The following GALNT9 variants were observed in gnomAD, a reference collection of about 807,000 sequenced individuals.
GALNT9 encodes the protein GalNAc transferase 9.
In GALNT9, 47 loss-of-function variants were observed where a neutral mutation model predicts 63.1. That is an observed-to-expected ratio of 0.75 (90% confidence interval 0.59 to 0.95). The LOEUF (loss-of-function observed/expected upper bound fraction) is 0.95, where lower values mean the gene tolerates loss of function less well. Among genes scored for constraint, GALNT9 ranks in the 40% least tolerant of loss-of-function variants. The probability of loss-of-function intolerance (pLI) is 0.00; values close to 1 mark genes in which losing one functional copy is unlikely to be tolerated. For synonymous variants in GALNT9, 396 were observed against 365.7 expected, an observed-to-expected ratio of 1.08 and a Z score of -0.94; for missense variants, 829 against 874.8, an observed-to-expected ratio of 0.95 and a Z score of 0.66.
intron 8 of GALNT9, 152 bp from the exon 9 acceptor site, chr12:132,199,421 G>A (rs1804305612): frequency 1.7e-6 from 1 of 605,880 alleles, no homozygotes; most frequent in East Asian, 2.8e-5. Flanking sequence ...TGGGCTGCCT[G>A]GGAAGGGGTG....
chr12:132,203,405 T>TGCAGGGGGCC (rs1876344596), intron 7 of GALNT9, 100 bp downstream of exon 7: 1 of 1,091,598 alleles, frequency 9.2e-7, no homozygotes, highest in East Asian at 2.5e-5. Context: ...CACTCACACC[T>TGCAGGGGGCC]GCAGGGGGCC....
At position 132,329,456 on chromosome 12, in the gene GALNT9, C is replaced by A; in HGVS notation, c.-253G>T. 1 of 237,404 alleles carries A rather than the reference C, an allele frequency of 4.2e-6. No homozygotes were observed. Among genetic ancestry groups the A allele is most frequent in the Non-Finnish European group, 7.2e-6 (1 of 138,516 alleles). The allele number at this position is 237,404 out of a possible 1,614,324, so 14.7% of individuals were successfully genotyped here. ...GGCATCCCCCGCTCAGAGGGCGCGG[C>A]CCCGCCCCGGGGAGCGGTGAGGGGG... On this transcript the variant is annotated 5_prime_UTR_variant, in exon 1 of 11. Transcript: ENST00000328957.
intron 5 of GALNT9, among the ~76,000 whole-genome samples, chr12:132,256,673 G>C (rs1392163274): frequency 8.7e-6 from 1 of 115,188 alleles, no homozygotes; most frequent in African/African-American, 3.3e-5. Flanking sequence ...GGACGCTGGA[G>C]GGGGGACACT....
At position 132,327,236 on chromosome 12, in the gene GALNT9, G is replaced by A. The variant is rs923301833; in HGVS notation, c.238+1730C>T. On this transcript the variant is annotated intron_variant, in intron 1 of 10. Coordinates refer to ENST00000328957, the MANE Select transcript of GALNT9 (RefSeq NM_001122636.2). This position sits in a 1 kb window ranked among gnomAD's most constrained non-coding sequence, Gnocchi z 4.3. Reference sequence around the variant, plus strand: ...GGGGAGGGAAGCGAAGAGGAAGAAGGGAGGGGACAGAGGACAGGAGGAAGC... The same window carrying A: ...GGGGAGGGAAGCGAAGAGGAAGAAGAGAGGGGACAGAGGACAGGAGGAAGC... Among the ~76,000 whole-genome samples, 3 of 151,566 alleles carry A rather than the reference G, an allele frequency of 2.0e-5. 1 individual carries two copies. The highest frequency in any genetic ancestry group is 4.3e-4 in the South Asian group (2 of 4,698).
chr12:132,271,374 C>G (rs1879861167), intron 2 of GALNT9, among the ~76,000 whole-genome samples: 3 of 152,188 alleles, frequency 2.0e-5, no homozygotes, highest in African/African-American at 7.2e-5. Flanking sequence ...CACCCGCACA[C>G]CTGTACATCT....
rs113672938 is a variant in GALNT9, at chr12:132,285,044, C to T, written c.419+1206G>A. 7.3e-3 allele frequency among the ~76,000 whole-genome samples: 1,109 copies of T among 152,346 alleles called. 11 individuals are homozygous for T. Among genetic ancestry groups the T allele is most frequent in the African/African-American group, 0.025 (1,055 of 41,580 alleles). ...CTCCTCCCCTCTCTTCCCTGCCAGC[C>T]TCCTGATCCCCATCTCAAATGAGCT... On this transcript the variant is annotated intron_variant, in intron 2 of 10. Transcript: ENST00000328957.
At chr12:132,243,932 A>G (rs1435773367) in intron 6 of GALNT9, among the ~76,000 whole-genome samples, 8 of 152,020 alleles carry the variant, frequency 5.3e-5, no homozygotes, top group Non-Finnish European at 8.8e-5. Context: ...GCCACACCCC[A>G]CAAGAAAGAA....
intron 6 of GALNT9, among the ~76,000 whole-genome samples, chr12:132,230,396 G>A (rs1877845812): frequency 6.6e-6 from 1 of 152,224 alleles, no homozygotes; most frequent in Admixed American, 6.5e-5. Flanking sequence ...AGGAGCTGGG[G>A]TACAAACCAA....
chr12:132,324,187 C>A (rs2135593585), intron 1 of GALNT9, among the ~76,000 whole-genome samples: 1 of 152,312 alleles, frequency 6.6e-6, no homozygotes, highest in African/African-American at 2.4e-5. Flanking sequence ...CTTGGAAAGC[C>A]CTTTTTAGAA....
intron 6 of GALNT9, 33 bp from the exon 7 acceptor site, chr12:132,203,723 T>C (rs776539204): frequency 7.5e-6 from 12 of 1,600,658 alleles, no homozygotes; most frequent in Admixed American, 3.4e-5. Flanking sequence ...GCCGGCGTCC[T>C]TCCCAACGGA....
chr12:132,303,180 C>A (rs1555244011), intron 1 of GALNT9, among the ~76,000 whole-genome samples: 1 of 152,014 alleles, frequency 6.6e-6, no homozygotes, highest in Admixed American at 6.5e-5. Flanking sequence ...CCCCGTCAGA[C>A]CCTCCACCGC....
At position 132,268,101 on chromosome 12, in the gene GALNT9, G is replaced by T. The variant is rs573055754; in HGVS notation, c.420-5476C>A. ...GTCACATGCACACAAACCCACACGCGCACTCACACACACAAACCCACACAC... is the reference window on the plus strand; with the variant it reads ...GTCACATGCACACAAACCCACACGCTCACTCACACACACAAACCCACACAC... On this transcript the variant is annotated intron_variant, in intron 2 of 10. Transcript: ENST00000328957. Among the ~76,000 whole-genome samples the T allele has an allele frequency of 5.0e-3, 689 of 139,012 alleles. 4 individuals carry two copies. Among genetic ancestry groups the T allele is most frequent in the African/African-American group, 0.019 (612 of 32,150 alleles). The allele number at this position is 139,012 out of a possible 152,430, so 91.2% of individuals were successfully genotyped here.
chr12:132,318,632 C>G (rs28683086), intron 1 of GALNT9, among the ~76,000 whole-genome samples: 21,824 of 152,272 alleles, frequency 0.14, 1,842 homozygotes, highest in South Asian at 0.24. Context: ...CCTGGTGGAT[C>G]CTGGGATGTG....
rs1462982219 is a variant in GALNT9, at chr12:132,246,851, C to G, written c.1077+1059G>C. The stretch of plus-strand genomic sequence containing the variant: ...CGGCCTCACAGTATTATTTAATCTG[C>G]CCAACCTGAGTTAAACAATCGCGGC... On this transcript the variant is annotated intron_variant, in intron 6 of 10. Transcript: ENST00000328957. This position sits in a 1 kb window ranked among gnomAD's most constrained non-coding sequence, Gnocchi z 4.7. 6.6e-6 allele frequency among the ~76,000 whole-genome samples: 1 copy of G among 152,166 alleles called. No homozygotes were observed. Among genetic ancestry groups the G allele is most frequent in the Non-Finnish European group, 1.5e-5 (1 of 68,046 alleles).
chr12:132,196,735 G>A lies in GALNT9; in HGVS notation c.*372C>T, dbSNP rs1366971728. 1.5e-5 allele frequency: 15 copies of A among 1,026,830 alleles called. No individual in the cohort carries two copies. Among genetic ancestry groups the A allele is most frequent in the Non-Finnish European group, 1.8e-5 (15 of 856,556 alleles). The allele number at this position is 1,026,830 out of a possible 1,614,324, so 63.6% of individuals were successfully genotyped here. ...AGGCCTGCGGGTGGAAGACACCAGG[G>A]TGCAGCCTGGTGCATGGTCCGGGGC... is the stretch of plus-strand genomic sequence containing the variant. On this transcript the variant is annotated 3_prime_UTR_variant, in exon 11 of 11. Coordinates refer to ENST00000328957, the MANE Select transcript of GALNT9 (RefSeq NM_001122636.2).
chr12:132,306,385 A>G (rs1881614364), intron 1 of GALNT9, among the ~76,000 whole-genome samples: 2 of 152,178 alleles, frequency 1.3e-5, no homozygotes, highest in African/African-American at 4.8e-5. Context: ...GGCCCTGGCC[A>G]GGAGGCGACC....
At chr12:132,255,535 C>T (rs1879074799) in intron 5 of GALNT9, among the ~76,000 whole-genome samples, 1 of 152,210 alleles carries the variant, frequency 6.6e-6, no homozygotes, top group African/African-American at 2.4e-5. Context: ...GAGGCTTCAT[C>T]TGCATCATAA....
At chr12:132,214,306 C>T (rs1004299283) in intron 6 of GALNT9, among the ~76,000 whole-genome samples, 1 of 152,198 alleles carries the variant, frequency 6.6e-6, no homozygotes, top group African/African-American at 2.4e-5. Flanking sequence ...ATGAAGGGGG[C>T]GAGCAGGAGC....
intron 2 of GALNT9, among the ~76,000 whole-genome samples, chr12:132,267,497 C>T (rs534658657): frequency 1.3e-5 from 2 of 152,298 alleles, no homozygotes; most frequent in East Asian, 3.9e-4. Context: ...GAGGGCTTCA[C>T]GGTAGAACCT....
Sources: gnomAD v4.1 joint callset for allele counts (sites outside exome capture counted in the v4.1 genomes callset) on GRCh38, gnomAD v4.1.1 for gene constraint, Gnocchi (gnomAD v3.1) non-coding constraint, MANE v1.5 for transcripts, NCBI Gene and HGNC (gene_info 2026-07-23, HGNC 2026-07-21) for gene names.